The following SERPINB5 variants were observed in gnomAD, a reference collection of about 807,000 sequenced individuals.
SERPINB5 encodes the protein serpin family B member 5.
Under a neutral mutation model 32.2 loss-of-function variants are expected in SERPINB5, and 27 were observed. That is an observed-to-expected ratio of 0.84 (90% confidence interval 0.62 to 1.16). SERPINB5 has a LOEUF of 1.16. Ranked by LOEUF, SERPINB5 falls within the 50% of genes most tolerant of loss-of-function variation. SERPINB5 has a pLI of 0.00. For synonymous variants in SERPINB5, 154 were observed against 157.4 expected, an observed-to-expected ratio of 0.98 and a Z score of 0.16; for missense variants, 388 against 436.3, an observed-to-expected ratio of 0.89 and a Z score of 0.99.
intron 1 of SERPINB5, among the ~76,000 whole-genome samples, chr18:63,480,802 A>AT (rs1917115123): frequency 1.3e-5 from 2 of 152,274 alleles, no homozygotes; most frequent in East Asian, 3.9e-4. Context: ...TTAGTGGGTG[A>AT]TTTTTTGCAA....
chr18:63,494,138 A>C lies in SERPINB5; in HGVS notation c.567+1043A>C, dbSNP rs571636063. 5.9e-5 allele frequency among the ~76,000 whole-genome samples: 9 copies of C among 152,010 alleles called. No homozygotes were observed. The South Asian group carries it at 1.9e-3, about 32-fold the overall frequency. On this transcript the variant is annotated intron_variant, in intron 5 of 6. Transcript: ENST00000382771. ...GGAGTTTGAGACCAGCCTGACCAAC[A>C]TAGTAAAACCCCATCTCTACTAAAA...
At chr18:63,487,864 A>G (rs1917239716) in intron 3 of SERPINB5, among the ~76,000 whole-genome samples, 1 of 152,204 alleles carries the variant, frequency 6.6e-6, no homozygotes, top group Admixed American at 6.5e-5. Flanking sequence ...CAGCTTTTAA[A>G]TATTTTACCA....
intron 5 of SERPINB5, among the ~76,000 whole-genome samples, chr18:63,494,816 G>A (rs754216099): frequency 1.3e-5 from 2 of 152,104 alleles, no homozygotes; most frequent in Admixed American, 6.6e-5. Flanking sequence ...CCCTACTAGC[G>A]CATGGGATTT....
chr18:63,493,685 C>G (rs910420293), intron 5 of SERPINB5: 1 of 154,604 alleles, frequency 6.5e-6, no homozygotes, highest in Non-Finnish European at 1.4e-5. Context: ...ATGGTGAAAC[C>G]CTGTCTCTAC....
At position 63,503,454 on chromosome 18, in the gene SERPINB5, G is replaced by C. The variant is rs2144513399; in HGVS notation, c.860G>C (p.Cys287Ser). ...KVEKMIDPKA[C>S]LENLGLKHIF... ...GAAAAGATGATTGATCCCAAGGCTT[G>C]TCTGGAAAATCTAGGGCTGAAACAT... The change falls in exon 7 of 7, where the codon TGT (cysteine) becomes TCT (serine). Residue 287 changes from cysteine (C) to serine (S), a missense_variant. Coordinates refer to ENST00000382771, the MANE Select transcript of SERPINB5 (RefSeq NM_002639.5). 6.2e-7 allele frequency: 1 copy of C among 1,614,232 alleles called. No homozygotes were observed. Among genetic ancestry groups the C allele is most frequent in the Non-Finnish European group, 8.5e-7 (1 of 1,180,044 alleles).
At chr18:63,491,404 CAAAAAAAAA>C (rs1555670766) in intron 4 of SERPINB5, among the ~76,000 whole-genome samples, 120 of 81,448 alleles carry the variant, frequency 1.5e-3, no homozygotes, top group African/African-American at 6.1e-3. Context: ...CTGCGTCTCC[CAAAAAAAAA>C]AAAAAAAAAA....
At chr18:63,478,764 T>TTTC (rs1254069080) in intron 1 of SERPINB5, among the ~76,000 whole-genome samples, 4 of 150,998 alleles carry the variant, frequency 2.6e-5, no homozygotes, top group Non-Finnish European at 5.9e-5. Flanking sequence ...CGTAGTTTTT[T>TTTC]TTTTTTTTTT....
intron 2 of SERPINB5, 169 bp from the exon 3 acceptor site, chr18:63,486,776 AC>A (rs1427713204): frequency 9.9e-6 from 6 of 606,628 alleles, no homozygotes; most frequent in Non-Finnish European, 1.7e-5. Flanking sequence ...CCCCACAAAG[AC>A]TCATCCAGCC....
At position 63,499,132 on chromosome 18, in the gene SERPINB5, C is replaced by T. The variant is rs778165278; in HGVS notation, c.580C>T (p.Pro194Ser). Reference sequence around the variant, plus strand: ...TTCCCTTTTACAGACAGACACCAAACCAGTGCAGATGATGAACATGGAGGC... The same window carrying T: ...TTCCCTTTTACAGACAGACACCAAATCAGTGCAGATGATGAACATGGAGGC... The part of the protein sequence containing the change: ...PFRVNKTDTK[P>S]VQMMNMEATF... The change falls in exon 6 of 7, where the codon CCA becomes TCA. Residue 194 changes from proline to serine, a missense_variant. Transcript: ENST00000382771. The T allele has an allele frequency of 1.3e-5, 20 of 1,546,070 alleles. No individual in the cohort carries two copies. The South Asian group carries it at 2.5e-4, about 20-fold the overall frequency.
At chr18:63,494,574 A>G (rs1470626954) in intron 5 of SERPINB5, among the ~76,000 whole-genome samples, 1 of 152,170 alleles carries the variant, frequency 6.6e-6, no homozygotes, top group African/African-American at 2.4e-5. Context: ...TGCTTCTCCC[A>G]GTAGTTAGAG....
At chr18:63,479,893 G>A (rs1421862968) in intron 1 of SERPINB5, among the ~76,000 whole-genome samples, 1 of 152,198 alleles carries the variant, frequency 6.6e-6, no homozygotes, top group Non-Finnish European at 1.5e-5. Flanking sequence ...TGCAGGATAT[G>A]TTGATATCTT....
At position 63,490,009 on chromosome 18, in the gene SERPINB5, G is replaced by A. The variant is rs372595691; in HGVS notation, c.424+545G>A. Among the ~76,000 whole-genome samples the A allele has an allele frequency of 6.6e-3, 993 of 151,042 alleles. 6 individuals are homozygous for A. Among genetic ancestry groups the A allele is most frequent in the African/African-American group, 0.022 (916 of 41,164 alleles). The stretch of plus-strand genomic sequence containing the variant: ...AGATCGAGACCATCCTGGCTAACAC[G>A]GTGAAACCCTGTCTCTACTAAAAAT... On this transcript the variant is annotated intron_variant, in intron 4 of 6. Coordinates refer to ENST00000382771, the MANE Select transcript of SERPINB5 (RefSeq NM_002639.5).
rs1909500330 is a variant in SERPINB5 at position 63,498,625 on chromosome 18, CTT to C, written c.568-492_568-491del. On this transcript the variant is annotated intron_variant, in intron 5 of 6. Coordinates refer to ENST00000382771, the MANE Select transcript of SERPINB5 (RefSeq NM_002639.5). The surrounding 1 kb of genome is among the most constrained non-coding windows in gnomAD (Gnocchi z 4.2). Reference sequence around the variant, plus strand: ...TGTAGATTATAAAGTATATGAATAACTTTTCAAAGGAACACAAACTCTTCACA... The same window carrying C: ...TGTAGATTATAAAGTATATGAATAACTTCAAAGGAACACAAACTCTTCACA... Among the ~76,000 whole-genome samples, 1 of 151,996 alleles carries C rather than the reference CTT, an allele frequency of 6.6e-6. No homozygotes were observed. The highest frequency in any genetic ancestry group is 2.4e-5 in the African/African-American group (1 of 41,364).
At chr18:63,482,515 G>A (rs1338410627) in intron 1 of SERPINB5, among the ~76,000 whole-genome samples, 5 of 152,154 alleles carry the variant, frequency 3.3e-5, no homozygotes, top group Non-Finnish European at 2.9e-5. Context: ...GAAACATGCT[G>A]TCCTGGCTTA....
chr18:63,479,810 G>A, intron 1 of SERPINB5, among the ~76,000 whole-genome samples: 1 of 152,114 alleles, frequency 6.6e-6, no homozygotes, highest in Non-Finnish European at 1.5e-5. Context: ...AACATAAGTG[G>A]CAGAAAGGGA....
chr18:63,483,606 C>T (rs1917158045), intron 1 of SERPINB5, among the ~76,000 whole-genome samples: 1 of 152,244 alleles, frequency 6.6e-6, no homozygotes, highest in South Asian at 2.1e-4. Context: ...GGAGAATGTT[C>T]CATGACTTTC....
chr18:63,489,512 C>A (rs767471674), intron 4 of SERPINB5, 48 bp downstream of exon 4: 4 of 1,004,644 alleles, frequency 4.0e-6, no homozygotes, highest in African/African-American at 1.6e-5. Flanking sequence ...GTAAACAGGG[C>A]CTTCCATCTC....
At chr18:63,486,394 T>G (rs916147319) in intron 2 of SERPINB5, among the ~76,000 whole-genome samples, 1 of 152,204 alleles carries the variant, frequency 6.6e-6, no homozygotes, top group African/African-American at 2.4e-5. Flanking sequence ...CTAGACAGAC[T>G]CTGGCTAGAG....
At chr18:63,494,811 C>T (rs1909415207) in intron 5 of SERPINB5, among the ~76,000 whole-genome samples, 1 of 152,188 alleles carries the variant, frequency 6.6e-6, no homozygotes, top group African/African-American at 2.4e-5. Flanking sequence ...AGATCCCCTA[C>T]TAGCGCATGG....
Sources: allele counts gnomAD v4.1 joint callset (sites outside exome capture counted in the v4.1 genomes callset), GRCh38; gene constraint gnomAD v4.1.1; non-coding constraint Gnocchi (gnomAD v3.1); transcripts MANE v1.5; gene names NCBI Gene and HGNC (gene_info 2026-07-23, HGNC 2026-07-21).